PRKCH: variants seen among roughly 807,000 people sequenced by gnomAD.
PRKCH encodes protein kinase C eta.
Under a neutral mutation model 82.5 loss-of-function variants are expected in PRKCH, and 28 were observed. That is an observed-to-expected ratio of 0.34 (90% CI 0.25 to 0.47). The LOEUF is 0.47. PRKCH is among the 20% of genes least tolerant of loss of function. PRKCH has a pLI of 1.00. For missense variants in PRKCH, 705 were observed against 881.8 expected (o/e 0.80, Z 2.54); for synonymous variants, 322 against 327.4 (o/e 0.98, Z 0.18).
intron 1 of PRKCH, among the ~76,000 whole-genome samples, chr14:61,209,200 A>G (rs2140044020): frequency 6.6e-6 from 1 of 151,724 alleles, no homozygotes; most frequent in Non-Finnish European, 1.5e-5. Flanking sequence ...ATGCTCTTGG[A>G]CTTCTCAGCC....
chr14:61,540,241 G>A (rs2043165256), intron 12 of PRKCH, among the ~76,000 whole-genome samples: 1 of 152,194 alleles, frequency 6.6e-6, no homozygotes, highest in South Asian at 2.1e-4. Flanking sequence ...AGAGGAAAAA[G>A]AATGTCACAT....
chr14:61,418,574 A>G (rs1016859456), intron 2 of PRKCH, among the ~76,000 whole-genome samples: 4 of 152,216 alleles, frequency 2.6e-5, no homozygotes, highest in Non-Finnish European at 5.9e-5. Flanking sequence ...TTTGCTGAGA[A>G]ATGTCTCAGA....
chr14:61,495,013 C>T (rs10140241), intron 10 of PRKCH, among the ~76,000 whole-genome samples: 143,758 of 152,318 alleles, frequency 0.94, 68,346 homozygotes, highest in East Asian at 1. Context: ...TGGCATTTTG[C>T]TTCAATTTCA....
At chr14:61,328,471 C>T (rs978213714) in intron 1 of PRKCH, among the ~76,000 whole-genome samples, 2 of 152,034 alleles carry the variant, frequency 1.3e-5, no homozygotes, top group Non-Finnish European at 2.9e-5. Flanking sequence ...AAGACATCAG[C>T]ATTTAAAAGG....
In PRKCH at chr14:61,524,820, T is replaced by C. The variant is rs189209567; in HGVS notation, c.1434-4255T>C. On this transcript the variant is annotated intron_variant, in intron 10 of 13. Coordinates refer to ENST00000332981, the MANE Select transcript of PRKCH (RefSeq NM_006255.5). ...TAATTGACCCTTCAAAACCACTTTCTTTCTCCAGCTTCATCAAAGAGAAGA... is the reference window on the plus strand; with the variant it reads ...TAATTGACCCTTCAAAACCACTTTCCTTCTCCAGCTTCATCAAAGAGAAGA... 8.1e-4 allele frequency among the ~76,000 whole-genome samples: 124 copies of C among 152,338 alleles called. 1 individual carries two copies. Among genetic ancestry groups the C allele is most frequent in the Admixed American group, 4.7e-3 (72 of 15,300 alleles).
chr14:61,408,705 G>C (rs1882097323), intron 2 of PRKCH, among the ~76,000 whole-genome samples: 1 of 152,292 alleles, frequency 6.6e-6, no homozygotes, highest in African/African-American at 2.4e-5. Flanking sequence ...CCACCCACTT[G>C]GGAAGGAAAT....
intron 1 of PRKCH, among the ~76,000 whole-genome samples, chr14:61,223,509 A>G (rs761686374): frequency 1.3e-5 from 2 of 152,244 alleles, no homozygotes; most frequent in South Asian, 4.2e-4. Flanking sequence ...GGCTCCTACC[A>G]TTTGGCTTAA....
At position 61,550,099 on chromosome 14, in the gene PRKCH, G is replaced by A. The variant is rs2043308114; in HGVS notation, c.*268G>A. 6.2e-6 allele frequency: 2 copies of A among 322,906 alleles called. No homozygotes were observed. Among genetic ancestry groups the A allele is most frequent in the Non-Finnish European group, 1.1e-5 (2 of 176,490 alleles). The allele number at this position is 322,906 out of a possible 1,614,324, so 20.0% of individuals were successfully genotyped here. A position where few individuals can be genotyped will look rare whatever the true frequency, so the allele number is the denominator to read the frequency against. On this transcript the variant is annotated 3_prime_UTR_variant, in exon 14 of 14. Transcript: ENST00000332981. ...ATGAGCGTCTGTCTCTGTGGGCTTG[G>A]GATGTTAACAGGAGCCAAAAGGAGG... is the stretch of plus-strand genomic sequence containing the variant.
intron 6 of PRKCH, among the ~76,000 whole-genome samples, chr14:61,452,195 T>G (rs952784108): frequency 2.0e-5 from 3 of 152,174 alleles, no homozygotes; most frequent in Non-Finnish European, 4.4e-5. Context: ...AAGGCTTCTG[T>G]AGGCTCGTGT....
chr14:61,264,982 G>A (rs2045084780), intron 1 of PRKCH, among the ~76,000 whole-genome samples: 1 of 152,160 alleles, frequency 6.6e-6, no homozygotes, highest in South Asian at 2.1e-4. Flanking sequence ...GATCACTAGA[G>A]CCACCCAGTG....
intron 10 of PRKCH, among the ~76,000 whole-genome samples, chr14:61,503,001 C>CTTT (rs34050696): frequency 1.2e-5 from 1 of 80,308 alleles, no homozygotes; most frequent in Non-Finnish European, 2.6e-5. Context: ...GGGAAGCAGG[C>CTTT]TTTTTTTTTT....
chr14:61,441,878 G>A (rs1883993755), intron 2 of PRKCH, among the ~76,000 whole-genome samples: 1 of 151,756 alleles, frequency 6.6e-6, no homozygotes, highest in Non-Finnish European at 1.5e-5. Flanking sequence ...TTGAACTCCT[G>A]GACTCAAGCA....
chr14:61,315,868 C>G (rs1327677300), intron 1 of PRKCH, among the ~76,000 whole-genome samples: 3 of 151,748 alleles, frequency 2.0e-5, no homozygotes, highest in Admixed American at 6.6e-5. Context: ...CTGCCTCAGC[C>G]TCCTGGGTAG....
chr14:61,333,624 A>T (rs771694689), intron 1 of PRKCH, among the ~76,000 whole-genome samples: 1 of 151,874 alleles, frequency 6.6e-6, no homozygotes, highest in African/African-American at 2.4e-5. Flanking sequence ...TTTAGGACCT[A>T]TTTGGTTGTG....
intron 1 of PRKCH, among the ~76,000 whole-genome samples, chr14:61,245,048 C>T (rs2044868436): frequency 6.6e-6 from 1 of 152,180 alleles, no homozygotes; most frequent in South Asian, 2.1e-4. Context: ...CTGTTATGTA[C>T]CCAACTTCAG....
intron 1 of PRKCH, among the ~76,000 whole-genome samples, chr14:61,290,839 G>A (rs57936280): frequency 6.6e-6 from 1 of 152,166 alleles, no homozygotes; most frequent in Non-Finnish European, 1.5e-5. Flanking sequence ...ATCCTGATAA[G>A]TTCCTGGCAC....
chr14:61,248,808 G>GTGTA (rs2044912212), intron 1 of PRKCH, among the ~76,000 whole-genome samples: 1 of 150,784 alleles, frequency 6.6e-6, no homozygotes, highest in African/African-American at 2.4e-5. Context: ...ATGTGTGTGT[G>GTGTA]TGTATGTATT....
At chr14:61,373,670 G>T (rs550215311) in intron 1 of PRKCH, among the ~76,000 whole-genome samples, 1 of 152,134 alleles carries the variant, frequency 6.6e-6, no homozygotes, top group South Asian at 2.1e-4. Context: ...GTGTGATCTT[G>T]GCTCACTGAA....
chr14:61,281,813 A>G (rs1402453789), intron 1 of PRKCH: 1 of 151,736 alleles, frequency 6.6e-6, no homozygotes, highest in East Asian at 2.0e-4. Flanking sequence ...GGGAGTGTCC[A>G]GGGAATTACG....
Sources: allele counts gnomAD v4.1 joint callset (sites outside exome capture counted in the v4.1 genomes callset), GRCh38; gene constraint gnomAD v4.1.1; transcripts MANE v1.5; gene names NCBI Gene and HGNC (gene_info 2026-07-23, HGNC 2026-07-21).